MTSS2: variants seen among roughly 807,000 people sequenced by gnomAD.
MTSS2 encodes the protein MTSS I-BAR domain containing 2.
In MTSS2, 27 loss-of-function variants were observed where a neutral mutation model predicts 67.1. The ratio of observed to expected loss-of-function variants is 0.40; its 90% CI spans 0.30 to 0.55. The LOEUF (loss-of-function observed/expected upper bound fraction) is 0.55, where lower values mean the gene tolerates loss of function less well. Ranked by LOEUF, MTSS2 falls within the 20% of genes least tolerant of loss-of-function variation. The pLI is 0.43. For synonymous variants in MTSS2, 624 were observed against 468.6 expected (o/e 1.33, Z -4.28); for missense variants, 1,171 against 1,067.8 (o/e 1.10, Z -1.35).
chr16:70,677,071 T>A (rs1354255985), intron 9 of MTSS2, 93 bp from the exon 10 acceptor site: 4 of 977,220 alleles, frequency 4.1e-6, no homozygotes, highest in Middle Eastern at 4.3e-4. Context: ...GTGAACCACA[T>A]CCCAGGAGAA....
intron 14 of MTSS2, 36 bp downstream of exon 14, chr16:70,664,562 G>C (rs763756367): frequency 6.2e-7 from 1 of 1,602,760 alleles, no homozygotes; most frequent in Admixed American, 1.7e-5. Context: ...CTAAGTCCCA[G>C]CTGTCCCTGG....
At chr16:70,676,362 G>T (rs1167304341) in intron 10 of MTSS2, among the ~76,000 whole-genome samples, 2 of 152,214 alleles carry the variant, frequency 1.3e-5, no homozygotes, top group Non-Finnish European at 2.9e-5. Flanking sequence ...GCCTCCATGG[G>T]AACCAGCTCT....
At chr16:70,680,905 G>A (rs1567506581) in intron 2 of MTSS2, 38 bp from the exon 3 acceptor site, 1 of 1,540,754 alleles carries the variant, frequency 6.5e-7, no homozygotes, top group East Asian at 2.4e-5. Context: ...GTCGGTGGTT[G>A]GGCGGGGGGG....
chr16:70,669,483 G>A (rs1350120169), intron 11 of MTSS2, among the ~76,000 whole-genome samples: 3 of 152,112 alleles, frequency 2.0e-5, no homozygotes, highest in South Asian at 2.1e-4. Flanking sequence ...AAGAGTATGA[G>A]GCCAGCCTGG....
rs1427463622 is a variant in MTSS2 at position 70,662,159 on chromosome 16, A to G, written c.*1518T>C. 6.6e-6 allele frequency: 1 copy of G among 151,220 alleles called. No individual in the cohort carries two copies. The highest frequency in any genetic ancestry group is 1.5e-5 in the Non-Finnish European group (1 of 67,714). 9.4% of individuals were successfully genotyped at this position (151,220 alleles called of 1,614,324 possible). On this transcript the variant is annotated 3_prime_UTR_variant, in exon 15 of 15. Coordinates refer to ENST00000338779, the MANE Select transcript of MTSS2 (RefSeq NM_138383.3). ...CCGCACAAGAACTCCCAGGAGCTCA[A>G]GCCTGGGAGGCTCAGACCCAGCTCC...
Position 70,663,541 on chromosome 16 carries a change from C to A in MTSS2, c.*136G>T. On this transcript the variant is annotated 3_prime_UTR_variant, in exon 15 of 15. Coordinates refer to ENST00000338779, the MANE Select transcript of MTSS2 (RefSeq NM_138383.3). ...AAATGCTGGAATCCAAGTGAGGTGTCTTTCCATAAAGTGGCATGGCCTCTG... is the reference window on the plus strand; with the variant it reads ...AAATGCTGGAATCCAAGTGAGGTGTATTTCCATAAAGTGGCATGGCCTCTG... 1 of 1,399,056 alleles carries A rather than the reference C, an allele frequency of 7.1e-7. No individual in the cohort carries two copies. Among genetic ancestry groups the A allele is most frequent in the Non-Finnish European group, 9.3e-7 (1 of 1,070,116 alleles). 86.7% of individuals were successfully genotyped at this position (1,399,056 alleles called of 1,614,324 possible). A position where few individuals can be genotyped will look rare whatever the true frequency, so the allele number is the denominator to read the frequency against.
Position 70,663,655 on chromosome 16 carries a change from G to C in MTSS2, c.*22C>G. ...GCCACCTGCTCGCACTGGGGCCTGAGAGGATGGGGAGGGTGGCGCCATCAT... is the reference window on the plus strand; with the variant it reads ...GCCACCTGCTCGCACTGGGGCCTGACAGGATGGGGAGGGTGGCGCCATCAT... On this transcript the variant is annotated 3_prime_UTR_variant, in exon 15 of 15. Coordinates refer to ENST00000338779, the MANE Select transcript of MTSS2 (RefSeq NM_138383.3). 3 of 1,552,274 alleles carry C rather than the reference G, an allele frequency of 1.9e-6. No homozygotes were observed. Among genetic ancestry groups the C allele is most frequent in the Non-Finnish European group, 2.6e-6 (3 of 1,149,694 alleles).
chr16:70,670,992 AAAAG>A (rs2052914980), intron 11 of MTSS2, among the ~76,000 whole-genome samples: 2 of 151,230 alleles, frequency 1.3e-5, no homozygotes, highest in Non-Finnish European at 2.9e-5. Flanking sequence ...AAAAAAAAAA[AAAAG>A]TCAAAAGTAG....
intron 1 of MTSS2, among the ~76,000 whole-genome samples, chr16:70,681,847 C>T (rs551489102): frequency 4.6e-5 from 7 of 152,330 alleles, no homozygotes; most frequent in Admixed American, 1.3e-4. Flanking sequence ...ACGCATGCCC[C>T]GGGGTCCTGG....
chr16:70,665,224 C>T (rs1164217936), intron 12 of MTSS2, 128 bp from the exon 13 acceptor site: 3 of 1,142,702 alleles, frequency 2.6e-6, no homozygotes, highest in South Asian at 1.6e-5. Flanking sequence ...CAATCACAGC[C>T]AAGGGCAGAG....
chr16:70,663,588 T>C lies in MTSS2; in HGVS notation c.*89A>G. 4.1e-6 allele frequency: 6 copies of C among 1,453,040 alleles called. No individual in the cohort carries two copies. The highest frequency in any genetic ancestry group is 2.5e-5 in the East Asian group (1 of 39,884). The allele number at this position is 1,453,040 out of a possible 1,614,324, so 90.0% of individuals were successfully genotyped here. A position where few individuals can be genotyped will look rare whatever the true frequency, so the allele number is the denominator to read the frequency against. On this transcript the variant is annotated 3_prime_UTR_variant, in exon 15 of 15. Coordinates refer to ENST00000338779, the MANE Select transcript of MTSS2 (RefSeq NM_138383.3). ...TCTGCCCTGGCTCTGTCCTCTCTCCTGGCTGGGCCTTTGCTCTGAGTGCCT... is the reference window on the plus strand; with the variant it reads ...TCTGCCCTGGCTCTGTCCTCTCTCCCGGCTGGGCCTTTGCTCTGAGTGCCT...
intron 2 of MTSS2, 46 bp downstream of exon 2, chr16:70,680,918 G>GGGGGGGGGGGGGGGGCCCCCCC: frequency 9.1e-7 from 1 of 1,097,920 alleles, no homozygotes; most frequent in Non-Finnish European, 1.3e-6. Flanking sequence ...CGGGGGGGGG[G>GGGGGGGGGGGGGGGGCCCCCCC]CCTCTGCCTG....
rs2052564984 is a variant in MTSS2 at position 70,663,397 on chromosome 16, A to G, written c.*280T>C. ...TGGCTCTGGTGCTTATGGGTAGGGA[A>G]GAGGCAGGGCCCCAGAGGAGGAAGA... On this transcript the variant is annotated 3_prime_UTR_variant, in exon 15 of 15. Transcript: ENST00000338779. 4.3e-6 allele frequency: 2 copies of G among 462,776 alleles called. No individual in the cohort carries two copies. Among genetic ancestry groups the G allele is most frequent in the African/African-American group, 2.1e-5 (1 of 48,306 alleles). The allele number at this position is 462,776 out of a possible 1,614,324, so 28.7% of individuals were successfully genotyped here. A position where few individuals can be genotyped will look rare whatever the true frequency, so the allele number is the denominator to read the frequency against.
intron 11 of MTSS2, among the ~76,000 whole-genome samples, chr16:70,672,066 A>C (rs1259435864): frequency 6.6e-6 from 1 of 152,220 alleles, no homozygotes; most frequent in Non-Finnish European, 1.5e-5. Context: ...GTAGGGTCCT[A>C]GCCAGGGGCA....
In MTSS2 at chr16:70,676,891, T is replaced by C; in HGVS notation, c.820A>G (p.Ser274Gly). The C allele has an allele frequency of 6.2e-7, 1 of 1,613,204 alleles. No homozygotes were observed. The highest frequency in any genetic ancestry group is 1.1e-5 in the South Asian group (1 of 91,036). Reference protein sequence around the residue: ...SPSSSSSRKSSMCSAPSSSSS... With the variant: ...SPSSSSSRKSGMCSAPSSSSS... Reference sequence around the variant, plus strand: ...CCCACCCCCACTGACCTGCACATGCTGGACTTCCGGGAGCTGGAGCTGCTG... The same window carrying C: ...CCCACCCCCACTGACCTGCACATGCCGGACTTCCGGGAGCTGGAGCTGCTG... The change falls in exon 10 of 15, where the codon AGC (serine) becomes GGC (glycine). Residue 274 changes from serine to glycine, a missense_variant. Around this residue, in one of 2 missense-constraint regions of MTSS2, gnomAD observed 924 missense variants for 756.0 expected, o/e 1.22. Coordinates refer to ENST00000338779, the MANE Select transcript of MTSS2 (RefSeq NM_138383.3).
intron 10 of MTSS2, among the ~76,000 whole-genome samples, chr16:70,675,628 G>C (rs961794768): frequency 5.9e-5 from 9 of 152,144 alleles, no homozygotes; most frequent in Non-Finnish European, 1.3e-4. Flanking sequence ...GTTTTTACCA[G>C]GATGGTCTCA....
At chr16:70,667,937 A>C (rs2052778959) in intron 11 of MTSS2, among the ~76,000 whole-genome samples, 1 of 152,002 alleles carries the variant, frequency 6.6e-6, no homozygotes, top group African/African-American at 2.4e-5. Context: ...AAGCCTAAAC[A>C]AACAGAGGGA....
intron 7 of MTSS2, 102 bp downstream of exon 7, chr16:70,679,210 TCTC>T: frequency 6.9e-7 from 1 of 1,451,062 alleles, no homozygotes; most frequent in Non-Finnish European, 9.7e-7. Context: ...CTTCCTCGCT[TCTC>T]CTTGGCCTGG....
In MTSS2 at chr16:70,678,295, C is replaced by T. The variant is rs1475229189; in HGVS notation, c.581G>A (p.Arg194Gln). The change falls in exon 8 of 15, where the codon CGG becomes CAG. Residue 194 changes from arginine (R) to glutamine (Q), a missense_variant. Around this residue, in one of 2 missense-constraint regions of MTSS2, gnomAD observed 247 missense variants for 311.8 expected, o/e 0.79. Transcript: ENST00000338779. ...QAVRRALIEERGRFCTFITFL... is the reference protein window; with the variant it reads ...QAVRRALIEEQGRFCTFITFL... ...GGTGATGAAGGTGCAGAAGCGGCCC[C>T]GCTCCTCGATCAGCGCCCGGCGCAC... is the stretch of plus-strand genomic sequence containing the variant. 2.5e-6 allele frequency: 4 copies of T among 1,612,098 alleles called. No homozygotes were observed. Among genetic ancestry groups the T allele is most frequent in the Admixed American group, 1.7e-5 (1 of 59,986 alleles).
Sources: gnomAD v4.1 joint callset for allele counts (sites outside exome capture counted in the v4.1 genomes callset) on GRCh38, gnomAD v4.1.1 for gene constraint, gnomAD v4.1.1 regional missense constraint, MANE v1.5 for transcripts, NCBI Gene and HGNC (gene_info 2026-07-23, HGNC 2026-07-21) for gene names.